The following NCOA6 variants were observed in gnomAD, a reference collection of about 807,000 sequenced individuals.
NCOA6 encodes the protein NRC RAP250.
A neutral mutation model predicts 171.4 loss-of-function variants in NCOA6; 49 were observed. That is an observed-to-expected ratio of 0.29 (90% CI 0.23 to 0.36). NCOA6 has a LOEUF of 0.36. Among genes scored for constraint, NCOA6 ranks in the 10% least tolerant of loss-of-function variants. The pLI is 1.00. For missense variants in NCOA6, 2,248 were observed against 2,554.5 expected, an observed-to-expected ratio of 0.88 and a Z score of 2.59; for synonymous variants, 910 against 927.5, an observed-to-expected ratio of 0.98 and a Z score of 0.34.
At chr20:34,819,028 C>T (rs1366786284) in intron 1 of NCOA6, among the ~76,000 whole-genome samples, 1 of 152,156 alleles carries the variant, frequency 6.6e-6, no homozygotes, top group Non-Finnish European at 1.5e-5. Flanking sequence ...AATTTCACCT[C>T]ATCTTTTAAT....
At chr20:34,758,635 TGAAAAGAA>T (rs1174303819) in intron 6 of NCOA6, among the ~76,000 whole-genome samples, 162 bp downstream of exon 6, 7 of 152,206 alleles carry the variant, frequency 4.6e-5, no homozygotes, top group African/African-American at 1.2e-4. Flanking sequence ...TGAGAAATTC[TGAAAAGAA>T]AATAATGACA....
At chr20:34,743,488 G>A (rs1358384233) in intron 10 of NCOA6, 147 bp from the exon 11 acceptor site, 3 of 798,562 alleles carry the variant, frequency 3.8e-6, no homozygotes, top group Non-Finnish European at 5.8e-6. Context: ...GCAGGGGGCA[G>A]CCCCTCATTA....
intron 1 of NCOA6, among the ~76,000 whole-genome samples, chr20:34,794,183 G>A (rs1437279687): frequency 6.6e-6 from 1 of 152,176 alleles, no homozygotes; most frequent in Non-Finnish European, 1.5e-5. Flanking sequence ...GTACTTGAGA[G>A]GCTAAGACAG....
intron 7 of NCOA6, 46 bp from the exon 8 acceptor site, chr20:34,754,914 C>T (rs1167635685): frequency 6.3e-7 from 1 of 1,599,384 alleles, no homozygotes; most frequent in African/African-American, 1.3e-5. Context: ...CAAATTTATA[C>T]TCTTGCTTAG....
chr20:34,732,520 G>A, intron 13 of NCOA6, 39 bp downstream of exon 13: 1 of 1,599,138 alleles, frequency 6.3e-7, no homozygotes, highest in Non-Finnish European at 8.6e-7. Flanking sequence ...AGAGGCTTAT[G>A]CTGTGTTCAT....
chr20:34,810,978 G>C (rs1465563224), intron 1 of NCOA6, among the ~76,000 whole-genome samples: 3 of 151,602 alleles, frequency 2.0e-5, no homozygotes, highest in African/African-American at 4.8e-5. Context: ...TGAAAATATA[G>C]GGTGATAGAA....
At chr20:34,756,831 G>T (rs1281583155) in intron 7 of NCOA6, among the ~76,000 whole-genome samples, 3 of 152,142 alleles carry the variant, frequency 2.0e-5, no homozygotes, top group African/African-American at 7.2e-5. Context: ...TTTCTTCAAT[G>T]AGACCCTGTT....
At chr20:34,731,891 C>T (rs1308374152) in intron 13 of NCOA6, among the ~76,000 whole-genome samples, 1 of 152,156 alleles carries the variant, frequency 6.6e-6, no homozygotes, top group African/African-American at 2.4e-5. Context: ...TGTGGTGGTA[C>T]ATACCTGTAA....
intron 5 of NCOA6, among the ~76,000 whole-genome samples, chr20:34,762,236 T>C (rs2076841009): frequency 6.6e-6 from 1 of 152,208 alleles, no homozygotes; most frequent in Non-Finnish European, 1.5e-5. Flanking sequence ...CTGCTTTATC[T>C]GGTAAAAATA....
chr20:34,823,270 C>T (rs1283361351), intron 1 of NCOA6, among the ~76,000 whole-genome samples: 1 of 152,108 alleles, frequency 6.6e-6, no homozygotes, highest in Non-Finnish European at 1.5e-5. Flanking sequence ...GTAATCCCAG[C>T]ACTTTGGGAG....
intron 1 of NCOA6, among the ~76,000 whole-genome samples, chr20:34,793,584 C>A (rs2077964578): frequency 6.6e-6 from 1 of 151,806 alleles, no homozygotes; most frequent in South Asian, 2.1e-4. Flanking sequence ...GATCATGCCA[C>A]TGCAATCCAG....
intron 13 of NCOA6, among the ~76,000 whole-genome samples, chr20:34,731,017 C>CTT (rs1990548391): frequency 6.6e-6 from 1 of 150,628 alleles, no homozygotes; most frequent in Non-Finnish European, 1.5e-5. Flanking sequence ...GTTCTAGACT[C>CTT]TTTTTTCTTT....
At chr20:34,813,167 A>C (rs1193933832) in intron 1 of NCOA6, among the ~76,000 whole-genome samples, 1 of 151,526 alleles carries the variant, frequency 6.6e-6, no homozygotes, top group Non-Finnish European at 1.5e-5. Flanking sequence ...CTCAGAAAAA[A>C]AAAAAACAAA....
chr20:34,719,557 G>C (rs564794811), intron 14 of NCOA6, among the ~76,000 whole-genome samples: 2 of 152,028 alleles, frequency 1.3e-5, no homozygotes, highest in Admixed American at 1.3e-4. Flanking sequence ...CTTGAACCCA[G>C]GAGGCAGAGG....
chr20:34,767,903 C>G (rs1370398553), intron 5 of NCOA6, among the ~76,000 whole-genome samples: 1 of 152,138 alleles, frequency 6.6e-6, no homozygotes, highest in Non-Finnish European at 1.5e-5. Context: ...TAAATGACAG[C>G]CAACTCAATT....
intron 8 of NCOA6, among the ~76,000 whole-genome samples, chr20:34,753,277 T>A (rs2076546369): frequency 6.6e-6 from 1 of 151,410 alleles, no homozygotes; most frequent in Admixed American, 6.6e-5. Context: ...AAACTCATGA[T>A]CTCAAGTGAT....
intron 14 of NCOA6, among the ~76,000 whole-genome samples, chr20:34,718,156 G>C (rs560641826): frequency 1.3e-5 from 2 of 152,292 alleles, no homozygotes; most frequent in South Asian, 4.1e-4. Flanking sequence ...TGGATACTGT[G>C]GTTGGTGGGG....
At chr20:34,719,133 A>C (rs1347660558) in intron 14 of NCOA6, among the ~76,000 whole-genome samples, 6 of 152,162 alleles carry the variant, frequency 3.9e-5, no homozygotes, top group African/African-American at 1.4e-4. Flanking sequence ...TTATAACCTA[A>C]TAAAGGGATT....
At chr20:34,734,044 T>G (rs1299394405) in intron 12 of NCOA6, among the ~76,000 whole-genome samples, 1 of 152,050 alleles carries the variant, frequency 6.6e-6, no homozygotes, top group East Asian at 1.9e-4. Context: ...AAAATGAAAA[T>G]GACTCAAGTC....
Sources: allele counts gnomAD v4.1 joint callset (sites outside exome capture counted in the v4.1 genomes callset), GRCh38; gene constraint gnomAD v4.1.1; transcripts MANE v1.5; gene names NCBI Gene and HGNC (gene_info 2026-07-23, HGNC 2026-07-21).